RTN4RL1: variants seen among roughly 807,000 people sequenced by gnomAD.
RTN4RL1 encodes reticulon-4 receptor-like 1.
RTN4RL1 carries 7 observed loss-of-function variants against 25.6 expected under a neutral mutation model. That is an observed-to-expected ratio of 0.27 (90% CI 0.16 to 0.51). The LOEUF (loss-of-function observed/expected upper bound fraction) is 0.51, where lower values mean the gene tolerates loss of function less well. Among genes scored for constraint, RTN4RL1 ranks in the 20% least tolerant of loss-of-function variants. The pLI, the probability that RTN4RL1 is intolerant of heterozygous loss-of-function variation, is 0.97. For synonymous variants in RTN4RL1, 297 were observed against 288.2 expected, an observed-to-expected ratio of 1.03 and a Z score of -0.31; for missense variants, 500 against 615.6, an observed-to-expected ratio of 0.81 and a Z score of 1.99.
chr17:1,952,766 G>A (rs1410835792), intron 1 of RTN4RL1, among the ~76,000 whole-genome samples: 12 of 152,032 alleles, frequency 7.9e-5, no homozygotes, highest in African/African-American at 1.2e-4. Flanking sequence ...CTCTCCTGCC[G>A]GGGGTGAGTC....
At chr17:2,015,919 C>T (rs2067116069) in intron 1 of RTN4RL1, among the ~76,000 whole-genome samples, 1 of 152,126 alleles carries the variant, frequency 6.6e-6, no homozygotes. Flanking sequence ...TTCCTATATC[C>T]TGCTAGGAGG....
intron 1 of RTN4RL1, chr17:2,019,151 T>C (rs914667204): frequency 1.3e-5 from 2 of 152,146 alleles, no homozygotes; most frequent in African/African-American, 4.8e-5. Flanking sequence ...TAGGGTCCCT[T>C]CCCAACTCCT....
chr17:1,981,150 G>A (rs2066865667), intron 1 of RTN4RL1, among the ~76,000 whole-genome samples: 1 of 144,862 alleles, frequency 6.9e-6, no homozygotes, highest in Admixed American at 6.9e-5. Context: ...TTGGGAGGCT[G>A]AGGAGGGAGG....
chr17:1,974,665 C>T (rs1312033619), intron 1 of RTN4RL1, among the ~76,000 whole-genome samples: 4 of 145,666 alleles, frequency 2.7e-5, no homozygotes, highest in Admixed American at 7.0e-5. Flanking sequence ...CAGGTGGAGA[C>T]GGGCTCTGAC....
At position 1,936,673 on chromosome 17, in the gene RTN4RL1, G is replaced by A. The variant is rs1473320915; in HGVS notation, c.1149C>T (p.Asp383=). Residue 383 remains aspartate (D), a synonymous_variant, in exon 2 of 2, where the codon GAC becomes GAT. Coordinates refer to ENST00000331238, the MANE Select transcript of RTN4RL1 (RefSeq NM_178568.4). ...TGTCAAAACTGAACTTGTGCTGGTA[G>A]TCTGGGGCATAGTCTGGCAGCTCGG... ...QAPELPDYAP[D]YQHKFSFDIM... is the part of the protein sequence containing the mutation. 6.3e-7 allele frequency: 1 copy of A among 1,586,268 alleles called. No individual in the cohort carries two copies. Among genetic ancestry groups the A allele is most frequent in the Non-Finnish European group, 8.6e-7 (1 of 1,168,006 alleles).
intron 1 of RTN4RL1, among the ~76,000 whole-genome samples, chr17:1,954,383 CTTTTTTTTTT>C (rs55654151): frequency 1.6e-5 from 2 of 124,356 alleles, no homozygotes; most frequent in Non-Finnish European, 3.2e-5. Context: ...TGCTTCCTTC[CTTTTTTTTTT>C]TTTTTTTTTT....
intron 1 of RTN4RL1, among the ~76,000 whole-genome samples, chr17:1,952,545 A>C (rs1005838266): frequency 1.3e-5 from 2 of 151,194 alleles, no homozygotes; most frequent in African/African-American, 2.4e-5. Flanking sequence ...GGGTTTCATC[A>C]TGTTGGTGAG....
rs919737994 is a variant in RTN4RL1 at position 1,940,274 on chromosome 17, G to A, written c.14-2466C>T. On this transcript the variant is annotated intron_variant, in intron 1 of 1. Coordinates refer to ENST00000331238, the MANE Select transcript of RTN4RL1 (RefSeq NM_178568.4). ...TTTTTGCATAATTGGGCTCGGTTGC[G>A]AATTCAGAGGAATTATGACTTCAGC... Among the ~76,000 whole-genome samples the A allele has an allele frequency of 1.1e-4, 17 of 152,290 alleles. 1 individual carries two copies. Among genetic ancestry groups the A allele is most frequent in the Admixed American group, 8.5e-4 (13 of 15,308 alleles).
chr17:1,952,853 G>A (rs1386060519), intron 1 of RTN4RL1, among the ~76,000 whole-genome samples: 1 of 151,220 alleles, frequency 6.6e-6, no homozygotes, highest in African/African-American at 2.4e-5. Flanking sequence ...GAGGGGGGTT[G>A]ATCACCTGAG....
At chr17:2,023,978 G>A (rs1348218540) in intron 1 of RTN4RL1, among the ~76,000 whole-genome samples, 1 of 152,148 alleles carries the variant, frequency 6.6e-6, no homozygotes, top group African/African-American at 2.4e-5. Context: ...GGAGGGGAGA[G>A]GCAGACGCAG....
chr17:1,985,527 C>T (rs947650963), intron 1 of RTN4RL1, among the ~76,000 whole-genome samples: 3 of 152,184 alleles, frequency 2.0e-5, no homozygotes, highest in South Asian at 2.1e-4. Context: ...CACTTATGCA[C>T]GGAGGAACAT....
rs1555601225 is a variant in RTN4RL1 at position 1,935,711 on chromosome 17, G to GTATGTA, written c.*784_*785insTACATA. 6.4e-6 allele frequency: 1 copy of GTATGTA among 157,464 alleles called. No individual in the cohort carries two copies. Among genetic ancestry groups the GTATGTA allele is most frequent in the African/African-American group, 4.8e-5 (1 of 20,952 alleles). The allele number at this position is 157,464 out of a possible 1,614,324, so 9.8% of individuals were successfully genotyped here. A position where few individuals can be genotyped will look rare whatever the true frequency, so the allele number is the denominator to read the frequency against. ...AGTGGGAGGGGGACTGTGCATTTGT[G>GTATGTA]TATATATATATATATATATATATAT... On this transcript the variant is annotated 3_prime_UTR_variant, in exon 2 of 2. Transcript: ENST00000331238.
At chr17:1,976,049 T>A (rs186121187) in intron 1 of RTN4RL1, among the ~76,000 whole-genome samples, 133 of 152,354 alleles carry the variant, frequency 8.7e-4, no homozygotes, top group African/African-American at 2.9e-3. Flanking sequence ...AAAAATAACA[T>A]ATGATTTTCC....
At chr17:2,007,045 T>G (rs2067001688) in intron 1 of RTN4RL1, among the ~76,000 whole-genome samples, 1 of 152,106 alleles carries the variant, frequency 6.6e-6, no homozygotes, top group South Asian at 2.1e-4. Context: ...GCTGACCATT[T>G]CCAGTGCCGT....
At chr17:2,015,794 G>A (rs947525249) in intron 1 of RTN4RL1, among the ~76,000 whole-genome samples, 42 of 152,134 alleles carry the variant, frequency 2.8e-4, no homozygotes, top group Admixed American at 2.2e-3. Flanking sequence ...CAAGGGGTCC[G>A]AAAGGAGGGG....
In RTN4RL1 at chr17:2,025,063, G is replaced by A. The variant is rs2067254267; in HGVS notation, c.-198C>T. Reference sequence around the variant, plus strand: ...CCCCGCGCCGAGGGCACCGGCGCCCGCAAGCAACCGTGGTGCTGCCCGGCA... The same window carrying A: ...CCCCGCGCCGAGGGCACCGGCGCCCACAAGCAACCGTGGTGCTGCCCGGCA... On this transcript the variant is annotated 5_prime_UTR_variant, in exon 1 of 2. Transcript: ENST00000331238. This position sits in a 1 kb window ranked among gnomAD's most constrained non-coding sequence, Gnocchi z 4.8. The A allele has an allele frequency of 4.5e-6, 2 of 449,312 alleles. No homozygotes were observed. The highest frequency in any genetic ancestry group is 2.1e-5 in the African/African-American group (1 of 48,198). The allele number at this position is 449,312 out of a possible 1,614,324, so 27.8% of individuals were successfully genotyped here. A position where few individuals can be genotyped will look rare whatever the true frequency, so the allele number is the denominator to read the frequency against.
At chr17:1,946,829 G>T (rs1308966290) in intron 1 of RTN4RL1, among the ~76,000 whole-genome samples, 1 of 149,356 alleles carries the variant, frequency 6.7e-6, no homozygotes, top group African/African-American at 2.5e-5. Flanking sequence ...TGTGCACGGG[G>T]TCTGTGTGCA....
chr17:1,951,904 T>G (rs1915689238), intron 1 of RTN4RL1, among the ~76,000 whole-genome samples: 1 of 152,028 alleles, frequency 6.6e-6, no homozygotes, highest in Non-Finnish European at 1.5e-5. Context: ...GCAGAAGGCA[T>G]ATGGAGTGGG....
intron 1 of RTN4RL1, among the ~76,000 whole-genome samples, chr17:1,954,531 G>A (rs752812079): frequency 1.3e-5 from 2 of 151,992 alleles, no homozygotes; most frequent in Non-Finnish European, 2.9e-5. Context: ...GGGATTACAG[G>A]TGCTCACCAC....
Sources: gnomAD v4.1 joint callset for allele counts (sites outside exome capture counted in the v4.1 genomes callset) on GRCh38, gnomAD v4.1.1 for gene constraint, Gnocchi (gnomAD v3.1) non-coding constraint, MANE v1.5 for transcripts, NCBI Gene and HGNC (gene_info 2026-07-23, HGNC 2026-07-21) for gene names.